Variants in ITPR1 observed in about 807,000 individuals in gnomAD.
ITPR1 encodes the protein inositol 1,4,5-trisphosphate receptor type 1.
A neutral mutation model predicts 318.4 loss-of-function variants in ITPR1; 96 were observed. The ratio of observed to expected loss-of-function variants is 0.30; its 90% confidence interval spans 0.26 to 0.36. The LOEUF is 0.36. Ranked by LOEUF, ITPR1 falls within the 10% of genes least tolerant of loss-of-function variation. ITPR1 has a pLI of 1.00. For missense variants in ITPR1, 2,440 were observed against 3,460.2 expected, an observed-to-expected ratio of 0.71 and a Z score of 7.40; for synonymous variants, 1,312 against 1,289.9, an observed-to-expected ratio of 1.02 and a Z score of -0.37.
intron 3 of ITPR1, among the ~76,000 whole-genome samples, chr3:4,517,437 T>C (rs1458367523): frequency 2.0e-5 from 3 of 152,250 alleles, no homozygotes; most frequent in Non-Finnish European, 4.4e-5. Context: ...ACCTCATTTT[T>C]ACAGCAGCCA....
At chr3:4,820,528 C>T (rs916651249) in intron 60 of ITPR1, among the ~76,000 whole-genome samples, 6 of 152,180 alleles carry the variant, frequency 3.9e-5, no homozygotes, top group South Asian at 4.1e-4. Flanking sequence ...ACCTGTAGCC[C>T]GCCACCCACC....
At chr3:4,766,028 A>G (rs746117911) in intron 44 of ITPR1, among the ~76,000 whole-genome samples, 1 of 152,260 alleles carries the variant, frequency 6.6e-6, no homozygotes. Flanking sequence ...TTTACTTAAC[A>G]TAATTTAGTC....
intron 4 of ITPR1, among the ~76,000 whole-genome samples, chr3:4,618,459 G>C (rs1169978508): frequency 6.6e-6 from 1 of 152,122 alleles, no homozygotes; most frequent in African/African-American, 2.4e-5. Context: ...TCCCACTAGA[G>C]TTATGTCCCA....
intron 29 of ITPR1, 22 bp from the exon 30 acceptor site, chr3:4,685,047 C>A (rs1367449819): frequency 6.2e-7 from 1 of 1,602,452 alleles, no homozygotes; most frequent in Non-Finnish European, 8.5e-7. Context: ...TTTTCTGAGA[C>A]TGATTTCTTT....
chr3:4,659,108 T>C (rs1332467889), intron 13 of ITPR1, among the ~76,000 whole-genome samples: 1 of 152,214 alleles, frequency 6.6e-6, no homozygotes, highest in Non-Finnish European at 1.5e-5. Flanking sequence ...TGGGCAATTC[T>C]GACTCTCCAA....
rs1426818832 is a variant in ITPR1, at chr3:4,691,191, G to A, written c.3876G>A (p.Gln1292=). ...TMQHIFMNNF[Q]LCSEINERVV... ...AGCACATCTTCATGAACAATTTCCA[G>A]CTTTGCAGTGAGATCAACGAGAGAG... Residue 1292 remains glutamine (Q), a synonymous_variant, in exon 32 of 62, where the codon CAG becomes CAA. Transcript: ENST00000649015. The A allele has an allele frequency of 1.2e-6, 2 of 1,612,984 alleles. No homozygotes were observed. Among genetic ancestry groups the A allele is most frequent in the Non-Finnish European group, 1.7e-6 (2 of 1,179,444 alleles).
At chr3:4,679,587 C>T (rs898939394) in intron 24 of ITPR1, among the ~76,000 whole-genome samples, 3 of 152,222 alleles carry the variant, frequency 2.0e-5, no homozygotes, top group African/African-American at 7.2e-5. Flanking sequence ...GGTGCCCACT[C>T]ACACTGGGTG....
intron 4 of ITPR1, among the ~76,000 whole-genome samples, chr3:4,603,177 C>T (rs192599986): frequency 6.9e-6 from 1 of 144,568 alleles, no homozygotes; most frequent in East Asian, 2.2e-4. Flanking sequence ...AGATGACAGG[C>T]ATTTTTTATT....
chr3:4,723,202 T>G (rs1337225176), intron 40 of ITPR1, among the ~76,000 whole-genome samples: 1 of 152,088 alleles, frequency 6.6e-6, no homozygotes, highest in Non-Finnish European at 1.5e-5. Flanking sequence ...CTTGAGTAGG[T>G]CAGGAAGTGG....
chr3:4,800,812 G>C (rs1278533171), intron 54 of ITPR1, among the ~76,000 whole-genome samples: 1 of 152,198 alleles, frequency 6.6e-6, no homozygotes, highest in Non-Finnish European at 1.5e-5. Flanking sequence ...TGGATCCCTT[G>C]GGCATCAGCA....
intron 4 of ITPR1, among the ~76,000 whole-genome samples, chr3:4,581,041 C>T (rs554592718): frequency 3.3e-5 from 5 of 152,224 alleles, no homozygotes; most frequent in South Asian, 4.2e-4. Context: ...AAACCTGTCC[C>T]GACTCCTCCA....
chr3:4,643,495 G>C (rs2093383524), intron 7 of ITPR1, among the ~76,000 whole-genome samples: 1 of 152,030 alleles, frequency 6.6e-6, no homozygotes, highest in African/African-American at 2.4e-5. Context: ...CCATTTGTGG[G>C]CCATGAAATC....
intron 33 of ITPR1, among the ~76,000 whole-genome samples, chr3:4,694,515 C>A (rs199670769): frequency 6.6e-6 from 1 of 152,018 alleles, no homozygotes; most frequent in Non-Finnish European, 1.5e-5. Flanking sequence ...TTGAGAAATG[C>A]GTTCTTCGGT....
chr3:4,822,115 G>T (rs759117733), intron 60 of ITPR1, among the ~76,000 whole-genome samples: 7 of 152,138 alleles, frequency 4.6e-5, no homozygotes, highest in Non-Finnish European at 1.0e-4. Flanking sequence ...TGCTGACCTG[G>T]GTTTCCTGTC....
At chr3:4,829,951 A>G (rs1393656946) in intron 60 of ITPR1, among the ~76,000 whole-genome samples, 1 of 129,058 alleles carries the variant, frequency 7.7e-6, no homozygotes, top group African/African-American at 2.9e-5. Flanking sequence ...AACATGTATA[A>G]CAGTTTTTTT....
Position 4,717,357 on chromosome 3 carries a change from T to C in ITPR1, c.5104-10T>C, listed in dbSNP as rs745495209. The C allele has an allele frequency of 3.8e-6, 6 of 1,593,338 alleles. No homozygotes were observed. The South Asian group carries it at 4.4e-5, about 12-fold the overall frequency. ...TTCCTTCTCTCTCTCTCCCCTTTTTTCTTTTCCAGCTAATTTCCATTGATG... is the reference window on the plus strand; with the variant it reads ...TTCCTTCTCTCTCTCTCCCCTTTTTCCTTTTCCAGCTAATTTCCATTGATG... On this transcript the variant is annotated splice_polypyrimidine_tract_variant and intron_variant, in intron 39 of 61. Coordinates refer to ENST00000649015, the MANE Select transcript of ITPR1 (RefSeq NM_001378452.1).
chr3:4,610,635 G>A (rs188569810), intron 4 of ITPR1, among the ~76,000 whole-genome samples: 1 of 152,254 alleles, frequency 6.6e-6, no homozygotes, highest in Admixed American at 6.5e-5. Context: ...GGTACTGAGA[G>A]GTACTGAGGA....
intron 4 of ITPR1, among the ~76,000 whole-genome samples, chr3:4,594,109 G>T (rs971086815): frequency 3.9e-5 from 6 of 152,160 alleles, no homozygotes; most frequent in African/African-American, 7.2e-5. Context: ...TTGTTCATTG[G>T]CTTGGGGAGA....
At chr3:4,687,439 G>A (rs1158856220) in intron 30 of ITPR1, among the ~76,000 whole-genome samples, 1 of 152,136 alleles carries the variant, frequency 6.6e-6, no homozygotes, top group Non-Finnish European at 1.5e-5. Flanking sequence ...GCTAAGAAAT[G>A]TGCTCCAGGT....
Sources: allele counts gnomAD v4.1 joint callset (sites outside exome capture counted in the v4.1 genomes callset), GRCh38; gene constraint gnomAD v4.1.1; transcripts MANE v1.5; gene names NCBI Gene and HGNC (gene_info 2026-07-23, HGNC 2026-07-21).